FRMPD2: variants seen among roughly 807,000 people sequenced by gnomAD.
FRMPD2 encodes FERM and PDZ domain-containing protein 2.
FRMPD2 carries 96 observed loss-of-function variants against 140.1 expected under a neutral mutation model. The observed-to-expected ratio is 0.69, with a 90% CI of 0.58 to 0.81. FRMPD2 has a LOEUF of 0.81. FRMPD2 is among the 40% of genes least tolerant of loss of function. The pLI is 0.00. For missense variants in FRMPD2, 1,240 were observed against 1,447.4 expected, an observed-to-expected ratio of 0.86 and a Z score of 2.32; for synonymous variants, 449 against 547.6, an observed-to-expected ratio of 0.82 and a Z score of 2.52.
Position 48,239,700 on chromosome 10 carries a change from A to T in FRMPD2, c.701-8T>A. On this transcript the variant is annotated splice_region_variant and splice_polypyrimidine_tract_variant and intron_variant, in intron 6 of 28. Coordinates refer to ENST00000374201, the MANE Select transcript of FRMPD2 (RefSeq NM_001018071.4). ...CCGTGCTTCTTTCTGAAACTAATCA[A>T]GCAGCATGGTAGAGGGTATGGGCAG... The T allele has an allele frequency of 6.2e-7, 1 of 1,611,290 alleles. No individual in the cohort carries two copies. The highest frequency in any genetic ancestry group is 8.5e-7 in the Non-Finnish European group (1 of 1,177,760).
At chr10:48,201,553 A>G (rs1839087551) in intron 14 of FRMPD2, 169 bp from the exon 15 acceptor site, 1 of 539,014 alleles carries the variant, frequency 1.9e-6, no homozygotes, top group East Asian at 3.1e-5. Context: ...TAGCTTAAAG[A>G]AAATCCCTCT....
chr10:48,203,408 A>G (rs184177580), intron 14 of FRMPD2, among the ~76,000 whole-genome samples: 46 of 152,310 alleles, frequency 3.0e-4, no homozygotes, highest in Admixed American at 1.2e-3. Context: ...ACGATGATGT[A>G]TAACTCCAGT....
chr10:48,204,464 T>C (rs1839159363), intron 14 of FRMPD2, among the ~76,000 whole-genome samples: 1 of 152,130 alleles, frequency 6.6e-6, no homozygotes. Context: ...CAATCCACCA[T>C]GCTAGAAGAA....
chr10:48,259,422 G>T (rs1840540721), intron 1 of FRMPD2, among the ~76,000 whole-genome samples: 1 of 152,110 alleles, frequency 6.6e-6, no homozygotes, highest in East Asian at 1.9e-4. Flanking sequence ...AAGCTATATG[G>T]GTTTAAATTG....
intron 1 of FRMPD2, among the ~76,000 whole-genome samples, chr10:48,264,039 AT>A (rs374065719): frequency 4.6e-5 from 7 of 152,256 alleles, no homozygotes; most frequent in African/African-American, 1.7e-4. Context: ...GAAAAATTAT[AT>A]AATCAAATTT....
intron 15 of FRMPD2, among the ~76,000 whole-genome samples, chr10:48,200,931 T>C (rs1049301210): frequency 6.6e-6 from 1 of 152,248 alleles, no homozygotes; most frequent in African/African-American, 2.4e-5. Context: ...GATAAATGTC[T>C]ATCTACAAGT....
chr10:48,209,679 C>T (rs17010970), intron 13 of FRMPD2, among the ~76,000 whole-genome samples: 6,828 of 152,294 alleles, frequency 0.045, 530 homozygotes, highest in African/African-American at 0.16. Context: ...CCAGAAATGA[C>T]GGCTGCACGA....
chr10:48,160,101 C>T lies in FRMPD2; in HGVS notation c.3882-2731G>A, dbSNP rs58832388. Among the ~76,000 whole-genome samples the T allele has an allele frequency of 7.8e-3, 1,176 of 151,730 alleles. 33 individuals carry two copies. The highest frequency in any genetic ancestry group is 0.027 in the African/African-American group (1,096 of 41,240). On this transcript the variant is annotated intron_variant, in intron 28 of 28. Coordinates refer to ENST00000374201, the MANE Select transcript of FRMPD2 (RefSeq NM_001018071.4). ...TGAGACTTGATGTGATTGTTGCCTT[C>T]TGCCTACCTTTAGGAACTAACCTTA... is the stretch of plus-strand genomic sequence containing the variant.
intron 1 of FRMPD2, among the ~76,000 whole-genome samples, chr10:48,257,470 G>A (rs999226948): frequency 2.3e-4 from 35 of 151,864 alleles, no homozygotes; most frequent in Admixed American, 3.9e-4. Flanking sequence ...AGTAGAGATG[G>A]GGTTTCGCCA....
At chr10:48,221,978 T>A (rs200737822) in intron 12 of FRMPD2, among the ~76,000 whole-genome samples, 59 of 136,384 alleles carry the variant, frequency 4.3e-4, no homozygotes, top group African/African-American at 1.4e-3. Context: ...GGATGGATGG[T>A]TGGATGGATG....
intron 23 of FRMPD2, 85 bp downstream of exon 23, chr10:48,175,760 AG>A (rs1838390938): frequency 1.4e-6 from 1 of 709,676 alleles, no homozygotes; most frequent in Non-Finnish European, 2.6e-6. Context: ...GAGCAGGGCA[AG>A]GCCTAGAGGC....
chr10:48,218,409 G>A (rs1337446195), intron 12 of FRMPD2, among the ~76,000 whole-genome samples: 27 of 152,150 alleles, frequency 1.8e-4, no homozygotes, highest in Admixed American at 1.8e-3. Flanking sequence ...GCCCACTGGT[G>A]GTGGACATGT....
intron 3 of FRMPD2, among the ~76,000 whole-genome samples, chr10:48,247,142 C>T (rs763576756): frequency 2.6e-5 from 4 of 152,230 alleles, no homozygotes; most frequent in African/African-American, 4.8e-5. Flanking sequence ...CTGGAGTCCT[C>T]GTGCCTCTGC....
intron 9 of FRMPD2, among the ~76,000 whole-genome samples, chr10:48,233,187 G>T (rs1405142781): frequency 6.6e-6 from 1 of 152,152 alleles, no homozygotes; most frequent in Non-Finnish European, 1.5e-5. Flanking sequence ...CATGCCTGTG[G>T]TCATACCCTG....
At chr10:48,194,291 A>T (rs976601615) in intron 15 of FRMPD2, among the ~76,000 whole-genome samples, 1 of 152,212 alleles carries the variant, frequency 6.6e-6, no homozygotes, top group Non-Finnish European at 1.5e-5. Flanking sequence ...TCCCAAAGCC[A>T]GTAAGTGGTA....
chr10:48,248,948 G>A, intron 3 of FRMPD2, 73 bp downstream of exon 3: 1 of 1,377,642 alleles, frequency 7.3e-7, no homozygotes, highest in Non-Finnish European at 9.8e-7. Flanking sequence ...CTGGGAGCTG[G>A]GGAGGCTGCC....
chr10:48,173,538 C>G (rs1216139657), intron 24 of FRMPD2, among the ~76,000 whole-genome samples: 23 of 151,830 alleles, frequency 1.5e-4, no homozygotes, highest in Non-Finnish European at 2.8e-4. Context: ...CTGCCAGTGA[C>G]CCGCTGGGCC....
Position 48,274,560 on chromosome 10 carries a change from G to A in FRMPD2, c.8C>T (p.Pro3Leu), listed in dbSNP as rs373129127. ...AGGAATACCTGCGTCCTTCGTTAAA[G>A]GCTGCATCCAAAAGTCTCCGTGACC... is the stretch of plus-strand genomic sequence containing the variant. MQ[P>L]LTKDAGMSLS... Residue 3 changes from proline (P) to leucine (L), a missense_variant, in exon 1 of 29, where the codon CCT (proline) becomes CTT (leucine). By Grantham distance (98) the Pro-to-Leu change is moderately conservative. Coordinates refer to ENST00000374201, the MANE Select transcript of FRMPD2 (RefSeq NM_001018071.4). 35 of 1,614,042 alleles carry A rather than the reference G, an allele frequency of 2.2e-5. No homozygotes were observed. The highest frequency in any genetic ancestry group is 3.3e-5 in the Admixed American group (2 of 60,010).
chr10:48,236,655 T>G, intron 8 of FRMPD2, 102 bp from the exon 9 acceptor site: 54 of 1,017,648 alleles, frequency 5.3e-5, no homozygotes, highest in East Asian at 7.6e-5. Flanking sequence ...CCAGCATACA[T>G]TCCCCAGAGC....
Sources: allele counts gnomAD v4.1 joint callset (sites outside exome capture counted in the v4.1 genomes callset), GRCh38; gene constraint gnomAD v4.1.1; transcripts MANE v1.5; gene names NCBI Gene and HGNC (gene_info 2026-07-23, HGNC 2026-07-21).